The following ZNF521 variants were observed in gnomAD, a reference collection of about 807,000 sequenced individuals.
ZNF521 encodes zinc finger protein 521.
ZNF521 carries 14 observed loss-of-function variants against 105.5 expected under a neutral mutation model. The ratio of observed to expected loss-of-function variants is 0.13; its 90% CI spans 0.09 to 0.21. ZNF521 has a LOEUF of 0.21. ZNF521 is among the 10% of genes least tolerant of loss of function. The pLI is 1.00. For missense variants in ZNF521, 1,233 were observed against 1,629.7 expected (o/e 0.76, Z 4.19); for synonymous variants, 635 against 606.0 (o/e 1.05, Z -0.70).
chr18:25,303,928 A>G (rs1335048941), intron 3 of ZNF521, among the ~76,000 whole-genome samples: 6 of 152,190 alleles, frequency 3.9e-5, no homozygotes, highest in Non-Finnish European at 8.8e-5. Context: ...TGATTTCTCA[A>G]TCTTCTCATT....
chr18:25,281,857 C>T (rs967297479), intron 3 of ZNF521, among the ~76,000 whole-genome samples: 1 of 151,922 alleles, frequency 6.6e-6, no homozygotes, highest in Non-Finnish European at 1.5e-5. Flanking sequence ...ATAAAGCATG[C>T]GGTCAAAAAT....
At position 25,212,031 on chromosome 18, in the gene ZNF521, G is replaced by A. The variant is rs371830947; in HGVS notation, c.3573+12314C>T. On this transcript the variant is annotated intron_variant, in intron 4 of 7. Transcript: ENST00000361524. Reference sequence around the variant, plus strand: ...ATCCTTTTTGGAGAAATCTCTGTGTGGTTCTGTGGACTAACACTGCATAAT... The same window carrying A: ...ATCCTTTTTGGAGAAATCTCTGTGTAGTTCTGTGGACTAACACTGCATAAT... Among the ~76,000 whole-genome samples, 170 of 152,094 alleles carry A rather than the reference G, an allele frequency of 1.1e-3. 1 individual carries two copies. The Middle Eastern group carries it at 0.017, about 15-fold the overall frequency.
At chr18:25,302,458 G>T (rs1034342581) in intron 3 of ZNF521, among the ~76,000 whole-genome samples, 8 of 152,166 alleles carry the variant, frequency 5.3e-5, no homozygotes, top group African/African-American at 1.9e-4. Flanking sequence ...GATACATATA[G>T]AATGGAGCAT....
At chr18:25,142,804 C>T (rs1255067113) in intron 5 of ZNF521, among the ~76,000 whole-genome samples, 2 of 151,920 alleles carry the variant, frequency 1.3e-5, no homozygotes, top group African/African-American at 4.8e-5. Context: ...TTCATTAACA[C>T]TACTTTGTGA....
chr18:25,194,992 T>C (rs893505082), intron 5 of ZNF521, among the ~76,000 whole-genome samples, 168 bp downstream of exon 5: 17 of 151,492 alleles, frequency 1.1e-4, no homozygotes, highest in Non-Finnish European at 1.5e-4. Flanking sequence ...GAAAATAAAA[T>C]GTGCTAACAC....
chr18:25,335,860 G>A (rs942849441), intron 2 of ZNF521, among the ~76,000 whole-genome samples: 1 of 152,190 alleles, frequency 6.6e-6, no homozygotes, highest in African/African-American at 2.4e-5. Context: ...CAGCGAGCGC[G>A]GACAGAGGCT....
At chr18:25,293,342 A>T (rs1911142414) in intron 3 of ZNF521, among the ~76,000 whole-genome samples, 1 of 136,262 alleles carries the variant, frequency 7.3e-6, no homozygotes, top group African/African-American at 2.8e-5. Flanking sequence ...TTGCTTGCAC[A>T]TGTACACATA....
chr18:25,101,560 G>C (rs1345299352), intron 5 of ZNF521, among the ~76,000 whole-genome samples: 3 of 152,140 alleles, frequency 2.0e-5, no homozygotes, highest in Non-Finnish European at 2.9e-5. Flanking sequence ...TTCTAGGAAG[G>C]AAAATTTATA....
chr18:25,113,497 C>A (rs1198687779), intron 5 of ZNF521, among the ~76,000 whole-genome samples: 1 of 152,072 alleles, frequency 6.6e-6, no homozygotes, highest in Admixed American at 6.6e-5. Context: ...GCTTGTTAAG[C>A]AAATGCTAAT....
chr18:25,350,326 CGCGGCCG>C (rs1231768414), intron 2 of ZNF521, among the ~76,000 whole-genome samples: 6 of 151,838 alleles, frequency 4.0e-5, no homozygotes, highest in African/African-American at 7.3e-5. Context: ...GTCCGGTGCC[CGCGGCCG>C]GCGGCCGGGG....
intron 5 of ZNF521, among the ~76,000 whole-genome samples, chr18:25,118,723 G>C (rs1425818587): frequency 2.6e-5 from 4 of 151,970 alleles, no homozygotes. Context: ...AGAAAAGGAA[G>C]AAATGACTCA....
At chr18:25,205,551 G>A (rs2036065367) in intron 4 of ZNF521, among the ~76,000 whole-genome samples, 1 of 152,104 alleles carries the variant, frequency 6.6e-6, no homozygotes, top group African/African-American at 2.4e-5. Context: ...GCTACGGCTG[G>A]TAGATATCAA....
At chr18:25,068,687 T>C (rs2033137759) in intron 7 of ZNF521, among the ~76,000 whole-genome samples, 1 of 152,146 alleles carries the variant, frequency 6.6e-6, no homozygotes. Context: ...TTTCTTTAAA[T>C]GTGTCTGTAC....
chr18:25,343,344 T>C (rs1285026474), intron 2 of ZNF521, among the ~76,000 whole-genome samples: 4 of 152,208 alleles, frequency 2.6e-5, no homozygotes, highest in Non-Finnish European at 5.9e-5. Context: ...AAAAATCCAA[T>C]TTTTCCCTTA....
intron 5 of ZNF521, among the ~76,000 whole-genome samples, chr18:25,117,090 C>CACACACACACACACACAA (rs56408075): frequency 4.2e-5 from 6 of 142,996 alleles, no homozygotes; most frequent in African/African-American, 1.6e-4. Flanking sequence ...CACATACACA[C>CACACACACACACACACAA]ATCCTTAATT....
At chr18:25,259,789 T>C (rs1908785121) in intron 3 of ZNF521, among the ~76,000 whole-genome samples, 1 of 152,104 alleles carries the variant, frequency 6.6e-6, no homozygotes, top group South Asian at 2.1e-4. Context: ...GAGAATGTGG[T>C]CGTGGACGCA....
chr18:25,231,540 T>C (rs1055935653), intron 3 of ZNF521: 1 of 152,234 alleles, frequency 6.6e-6, no homozygotes, highest in Non-Finnish European at 1.5e-5. Flanking sequence ...TGGACGTGAT[T>C]TGATCCTAGC....
At chr18:25,340,601 T>C (rs923022738) in intron 2 of ZNF521, among the ~76,000 whole-genome samples, 1 of 152,212 alleles carries the variant, frequency 6.6e-6, no homozygotes, top group Non-Finnish European at 1.5e-5. Flanking sequence ...ATTGATCAAC[T>C]TGCAAGAATC....
chr18:25,113,237 T>A (rs1407458900), intron 5 of ZNF521, among the ~76,000 whole-genome samples: 1 of 152,078 alleles, frequency 6.6e-6, no homozygotes, highest in Non-Finnish European at 1.5e-5. Context: ...GGCTGTCCAA[T>A]CAGCAGGTCC....
Sources: gnomAD v4.1 joint callset for allele counts (sites outside exome capture counted in the v4.1 genomes callset) on GRCh38, gnomAD v4.1.1 for gene constraint, MANE v1.5 for transcripts, NCBI Gene and HGNC (gene_info 2026-07-23, HGNC 2026-07-21) for gene names.